The following SHF variants were observed in gnomAD, a reference collection of about 807,000 sequenced individuals.
The protein encoded by SHF is SH2 domain-containing adapter protein F.
SHF carries 30 observed loss-of-function variants against 42.4 expected under a neutral mutation model. The observed-to-expected ratio is 0.71, with a 90% CI of 0.53 to 0.96. The LOEUF is 0.96. Among genes scored for constraint, SHF ranks in the 40% least tolerant of loss-of-function variants. SHF has a pLI of 0.00. For missense variants in SHF, 598 were observed against 634.0 expected, an observed-to-expected ratio of 0.94 and a Z score of 0.61; for synonymous variants, 264 against 269.9, an observed-to-expected ratio of 0.98 and a Z score of 0.21.
chr15:45,195,130 C>T (rs2141449426), intron 2 of SHF, among the ~76,000 whole-genome samples: 1 of 152,298 alleles, frequency 6.6e-6, no homozygotes. Context: ...CTGTGCCTGG[C>T]CTGTAATTTT....
In SHF at chr15:45,173,629, T is replaced by C; in HGVS notation, c.935A>G (p.Asp312Gly). 1 of 1,551,100 alleles carries C rather than the reference T, an allele frequency of 6.4e-7. No individual in the cohort carries two copies. ...SSPSLPDGDRDISGPASPLPE... is the reference protein window; with the variant it reads ...SSPSLPDGDRGISGPASPLPE... The stretch of plus-strand genomic sequence containing the variant: ...GAGGGGCGAGGCTGGACCGGAGATG[T>C]CCCTGTCCCCATCAGGCAGGGAGGG... The change falls in exon 4 of 7, where the codon GAC becomes GGC. Residue 312 changes from aspartate (D) to glycine (G), a missense_variant. This residue lies in a region of SHF where 439 missense variants were observed against 524.6 expected (regional missense o/e 0.84). Coordinates refer to ENST00000690270, the MANE Select transcript of SHF (RefSeq NM_001394037.1).
upstream of SHF, among the ~76,000 whole-genome samples, chr15:45,189,884 C>T (rs1289390757): frequency 6.6e-6 from 1 of 152,118 alleles, no homozygotes; most frequent in Non-Finnish European, 1.5e-5. Flanking sequence ...CTTGTAGTCC[C>T]AGGTACCTGG....
rs1898551261 is a variant in SHF at position 45,187,932 on chromosome 15, G to T, written c.20C>A (p.Pro7His). 1 of 1,181,148 alleles carries T rather than the reference G, an allele frequency of 8.5e-7. No individual in the cohort carries two copies. The highest frequency in any genetic ancestry group is 1.6e-5 in the African/African-American group (1 of 62,304). 73.2% of individuals were successfully genotyped at this position (1,181,148 alleles called of 1,614,324 possible). ...CGGCCCCGGGCGGGAGCCAGCCGGA[G>T]GAGCTCCGCTCAGTAACATGGGGCC... MLLSGA[P>H]PAGSRPGPRT... is the part of the protein sequence containing the mutation. Residue 7 changes from proline to histidine, a missense_variant, in exon 1 of 7, where the codon CCT becomes CAT. Around this residue, in one of 2 missense-constraint regions of SHF, gnomAD observed 159 missense variants for 109.3 expected, o/e 1.45. Coordinates refer to ENST00000690270, the MANE Select transcript of SHF (RefSeq NM_001394037.1).
At chr15:45,198,561 G>A in intron 2 of SHF, 2 of 536,958 alleles carry the variant, frequency 3.7e-6, no homozygotes, top group South Asian at 3.6e-5. Context: ...TTACAAAAAA[G>A]GGGAAAAAAA....
At chr15:45,192,928 G>A (rs924828578), upstream of SHF, among the ~76,000 whole-genome samples, 15 of 152,198 alleles carry the variant, frequency 9.9e-5, no homozygotes, top group Admixed American at 6.5e-4. Flanking sequence ...TTTCTAGTGC[G>A]TTACACCAGA....
chr15:45,201,111 A>T lies in SHF; in HGVS notation c.-431T>A, dbSNP rs140813155. 6.4e-4 allele frequency: 213 copies of T among 332,278 alleles called. 1 individual carries two copies. Among genetic ancestry groups the T allele is most frequent in the African/African-American group, 4.0e-3 (188 of 46,602 alleles). 20.6% of individuals were successfully genotyped at this position (332,278 alleles called of 1,614,324 possible). A position where few individuals can be genotyped will look rare whatever the true frequency, so the allele number is the denominator to read the frequency against. ...TGGCCGCCATCTAGACGAGAAGGGC[A>T]ACACTGGGTCAGCTGCTCGTCGTGG... On this transcript the variant is annotated 5_prime_UTR_variant, in exon 1 of 8. Coordinates refer to the SHF transcript ENST00000290894.
chr15:45,193,566 A>G (rs971868326), intron 2 of SHF, among the ~76,000 whole-genome samples: 2 of 152,212 alleles, frequency 1.3e-5, no homozygotes, highest in African/African-American at 4.8e-5. Context: ...TCAGATATGC[A>G]TTTGTCTCAA....
upstream of SHF, among the ~76,000 whole-genome samples, chr15:45,189,192 C>CAAAA (rs1166122506): frequency 1.4e-4 from 8 of 58,564 alleles, no homozygotes; most frequent in African/African-American, 5.1e-4. Context: ...GACTCCGTCT[C>CAAAA]AAAAAAAAAA....
chr15:45,177,191 C>G (rs1234348400), intron 2 of SHF, among the ~76,000 whole-genome samples: 2 of 152,192 alleles, frequency 1.3e-5, no homozygotes, highest in Admixed American at 6.5e-5. Context: ...CAGTGGCCTG[C>G]TCCTGTGCTG....
At chr15:45,175,966 C>A (rs1466822266) in intron 2 of SHF, among the ~76,000 whole-genome samples, 1 of 151,972 alleles carries the variant, frequency 6.6e-6, no homozygotes, top group African/African-American at 2.4e-5. Context: ...TTACAGACAT[C>A]CGCCATCATG....
At chr15:45,199,900 G>C (rs1899011138) in intron 1 of SHF, 1 of 142,134 alleles carries the variant, frequency 7.0e-6, no homozygotes, top group Non-Finnish European at 1.5e-5. Context: ...GTTGCAGTGA[G>C]CCAAGATCGC....
At chr15:45,194,554 G>A (rs1237225782) in intron 2 of SHF, among the ~76,000 whole-genome samples, 1 of 152,060 alleles carries the variant, frequency 6.6e-6, no homozygotes, top group African/African-American at 2.4e-5. Context: ...GTTTCACCAT[G>A]TTGGCCAGGG....
At chr15:45,185,273 G>C (rs1424882081) in intron 1 of SHF, among the ~76,000 whole-genome samples, 1 of 152,252 alleles carries the variant, frequency 6.6e-6, no homozygotes, top group Non-Finnish European at 1.5e-5. Context: ...ACAGAAAACA[G>C]GGAGAAAGCG....
chr15:45,174,778 C>T (rs1210150326), intron 3 of SHF, among the ~76,000 whole-genome samples: 3 of 152,126 alleles, frequency 2.0e-5, no homozygotes, highest in African/African-American at 7.2e-5. Context: ...ACCCCTGGTC[C>T]GCCAGGGCCT....
intron 2 of SHF, among the ~76,000 whole-genome samples, chr15:45,196,690 G>A (rs556403227): frequency 6.6e-6 from 1 of 152,146 alleles, no homozygotes; most frequent in East Asian, 1.9e-4. Context: ...GAGGTCAGGA[G>A]ATCGAGACCA....
At chr15:45,181,197 G>A (rs1208012478) in intron 1 of SHF, 2 of 152,416 alleles carry the variant, frequency 1.3e-5, no homozygotes, top group African/African-American at 4.8e-5. Flanking sequence ...TGGGCACCCA[G>A]GTGGCAACTC....
At chr15:45,174,631 A>G (rs548598295) in intron 3 of SHF, among the ~76,000 whole-genome samples, 1 of 152,250 alleles carries the variant, frequency 6.6e-6, no homozygotes, top group East Asian at 1.9e-4. Flanking sequence ...TGCTCCACCC[A>G]CCTCAGACCA....
chr15:45,193,865 T>G (rs1898783891), intron 2 of SHF, among the ~76,000 whole-genome samples: 1 of 150,202 alleles, frequency 6.7e-6, no homozygotes, highest in Non-Finnish European at 1.5e-5. Flanking sequence ...AGTCAAGAGG[T>G]CAGGAGTTCA....
chr15:45,179,968 TTGC>T (rs1898038780), intron 1 of SHF, among the ~76,000 whole-genome samples: 1 of 152,132 alleles, frequency 6.6e-6, no homozygotes, highest in African/African-American at 2.4e-5. Context: ...TCCTTCCACC[TTGC>T]TATTCCCTCT....
Sources: gnomAD v4.1 joint callset for allele counts (sites outside exome capture counted in the v4.1 genomes callset) on GRCh38, gnomAD v4.1.1 for gene constraint, gnomAD v4.1.1 regional missense constraint, MANE v1.5 for transcripts, NCBI Gene and HGNC (gene_info 2026-07-23, HGNC 2026-07-21) for gene names.